PCA3: variants seen among roughly 807,000 people sequenced by gnomAD.
The protein encoded by PCA3 is Differential Display code 3.
intron 2 of PCA3, among the ~76,000 whole-genome samples, chr9:76,776,925 C>CACACAT (rs1460912534): frequency 4.7e-5 from 7 of 149,444 alleles, no homozygotes; most frequent in Non-Finnish European, 1.0e-4. Context: ...CACACACACA[C>CACACAT]ACACACACAC....
chr9:76,774,281 G>T (rs2053442782), intron 2 of PCA3, among the ~76,000 whole-genome samples: 1 of 151,718 alleles, frequency 6.6e-6, no homozygotes, highest in Non-Finnish European at 1.5e-5. Context: ...GACTACAGGT[G>T]TGCACCACCA....
chr9:76,775,860 G>C (rs2053676062), intron 2 of PCA3, among the ~76,000 whole-genome samples: 1 of 152,078 alleles, frequency 6.6e-6, no homozygotes, highest in Non-Finnish European at 1.5e-5. Flanking sequence ...CTTTAGCTCG[G>C]ACCAACACCA....
At chr9:76,765,575 A>C (rs1212698434) in intron 2 of PCA3, among the ~76,000 whole-genome samples, 1 of 152,200 alleles carries the variant, frequency 6.6e-6, no homozygotes. Flanking sequence ...TCTTTCTTGC[A>C]TAACTGAATG....
chr9:76,764,767 G>A (rs1030173026), intron 2 of PCA3, among the ~76,000 whole-genome samples: 2 of 152,172 alleles, frequency 1.3e-5, no homozygotes, highest in African/African-American at 4.8e-5. Context: ...GGTGGTGGCT[G>A]GGCCTAGGCC....
intron 2 of PCA3, among the ~76,000 whole-genome samples, chr9:76,771,309 T>C (rs1330567223): frequency 2.6e-5 from 4 of 152,222 alleles, no homozygotes; most frequent in Admixed American, 2.6e-4. Context: ...ATTTCTTTAA[T>C]GCTGATACAA....
rs371548962 is a variant in PCA3, at chr9:76,765,121, C to T, written n.852+28506C>T. On this transcript the variant is annotated intron_variant and non_coding_transcript_variant, in intron 2 of 5. Transcript: ENST00000644657. ...AGATGTACATTTGTTGGGGGCGTGA[C>T]ATTAACATATAACCACTTAGAGTGG... Among the ~76,000 whole-genome samples the T allele has an allele frequency of 2.7e-4, 41 of 152,246 alleles. 1 individual carries two copies. In the South Asian group the frequency reaches 8.3e-3, roughly 31 times the overall value.
chr9:76,777,755 T>C (rs1259983424), intron 2 of PCA3, among the ~76,000 whole-genome samples: 4 of 152,110 alleles, frequency 2.6e-5, no homozygotes, highest in Admixed American at 6.5e-5. Context: ...ATAGAGAATA[T>C]CAGGGGAAAG....
At chr9:76,778,897 C>T (rs898775839) in intron 2 of PCA3, 3 of 152,220 alleles carry the variant, frequency 2.0e-5, no homozygotes, top group Non-Finnish European at 2.9e-5. Context: ...TGTGCCTCAA[C>T]AAATTGAACT....
intron 2 of PCA3, among the ~76,000 whole-genome samples, chr9:76,774,457 T>TAGTTA (rs756648285): frequency 1.4e-5 from 1 of 73,556 alleles, no homozygotes; most frequent in African/African-American, 5.9e-5. Flanking sequence ...ACCCTTTTTT[T>TAGTTA]TTTTTTTTTT....
intron 2 of PCA3, among the ~76,000 whole-genome samples, chr9:76,783,351 G>A (rs1328236671): frequency 6.6e-6 from 1 of 152,046 alleles, no homozygotes; most frequent in Non-Finnish European, 1.5e-5. Flanking sequence ...TGGCCAGGCT[G>A]GTCTTGAACT....
intron 2 of PCA3, among the ~76,000 whole-genome samples, chr9:76,771,652 T>A (rs1258937981): frequency 6.6e-6 from 1 of 152,116 alleles, no homozygotes. Flanking sequence ...GTTGTACACA[T>A]TGAGTAAATG....
chr9:76,786,958 G>C (rs117040993), intron 2 of PCA3: 1 of 152,136 alleles, frequency 6.6e-6, no homozygotes, highest in Non-Finnish European at 1.5e-5. Flanking sequence ...CTCATGGGTG[G>C]AGGGGACCAC....
At chr9:76,772,263 CTACTGG>C (rs1201741927) in intron 2 of PCA3, among the ~76,000 whole-genome samples, 4 of 152,192 alleles carry the variant, frequency 2.6e-5, no homozygotes, top group Non-Finnish European at 5.9e-5. Flanking sequence ...AGCTTCTTAG[CTACTGG>C]TATGGTGTGG....
intron 2 of PCA3, among the ~76,000 whole-genome samples, chr9:76,766,072 A>G (rs936761634): frequency 6.6e-6 from 1 of 151,614 alleles, no homozygotes; most frequent in Non-Finnish European, 1.5e-5. Context: ...AGTCCCAGCT[A>G]CTTGGGAGGC....
intron 2 of PCA3, among the ~76,000 whole-genome samples, chr9:76,774,476 T>TTTTC (rs1323761923): frequency 6.7e-6 from 1 of 148,550 alleles, no homozygotes; most frequent in African/African-American, 2.5e-5. Context: ...TTTTTTTTTT[T>TTTTC]TGAGATGGAG....
intron 2 of PCA3, among the ~76,000 whole-genome samples, chr9:76,774,214 C>T (rs1223032116): frequency 6.6e-6 from 1 of 152,092 alleles, no homozygotes; most frequent in African/African-American, 2.4e-5. Flanking sequence ...TAGCTCACTG[C>T]AGCCTCAACC....
At chr9:76,764,766 T>C (rs915439479) in intron 2 of PCA3, among the ~76,000 whole-genome samples, 7 of 152,210 alleles carry the variant, frequency 4.6e-5, no homozygotes, top group Non-Finnish European at 1.0e-4. Flanking sequence ...AGGTGGTGGC[T>C]GGGCCTAGGC....
intron 2 of PCA3, among the ~76,000 whole-genome samples, chr9:76,781,025 T>C (rs1426552450): frequency 1.3e-5 from 2 of 152,192 alleles, no homozygotes; most frequent in African/African-American, 4.8e-5. Flanking sequence ...AGCCAGTCCA[T>C]CAACACATCC....
chr9:76,767,857 C>T (rs7038114), intron 2 of PCA3, among the ~76,000 whole-genome samples: 33,032 of 152,156 alleles, frequency 0.22, 5,954 homozygotes, highest in African/African-American at 0.48. Context: ...CATTACCCTT[C>T]CATGCCCACT....
Sources: gnomAD v4.1 joint callset for allele counts (sites outside exome capture counted in the v4.1 genomes callset) on GRCh38, gnomAD v4.1.1 for gene constraint, MANE v1.5 for transcripts, NCBI Gene and HGNC (gene_info 2026-07-23, HGNC 2026-07-21) for gene names.